Variants in PRDX5 observed in about 807,000 individuals in gnomAD.
The protein encoded by PRDX5 is peroxiredoxin 5, also known as peroxiredoxin-5, mitochondrial.
In PRDX5, 21 loss-of-function variants were observed where a neutral mutation model predicts 23.8. The observed-to-expected ratio is 0.88, with a 90% CI of 0.63 to 1.27. PRDX5 has a LOEUF of 1.27. Ranked by LOEUF, PRDX5 falls within the 50% of genes most tolerant of loss-of-function variation. PRDX5 has a pLI of 0.00. For missense variants in PRDX5, 261 were observed against 270.6 expected (o/e 0.96, Z 0.25); for synonymous variants, 111 against 113.3 (o/e 0.98, Z 0.13).
chr11:64,319,930 C>T (rs1252574788), intron 2 of PRDX5, 62 bp downstream of exon 2: 2 of 1,585,798 alleles, frequency 1.3e-6, no homozygotes, highest in Non-Finnish European at 8.6e-7. Context: ...CTTAAGTCCT[C>T]CACATAGTCC....
intron 1 of PRDX5, among the ~76,000 whole-genome samples, chr11:64,319,121 AC>A (rs1211112562): frequency 2.0e-5 from 3 of 150,512 alleles, no homozygotes; most frequent in East Asian, 3.9e-4. Context: ...CCTGCTCTCA[AC>A]CTTTGGGCTC....
chr11:64,319,499 C>T (rs2035430545), intron 1 of PRDX5, among the ~76,000 whole-genome samples: 4 of 152,252 alleles, frequency 2.6e-5, no homozygotes, highest in African/African-American at 2.4e-5. Context: ...CTCCCTTTCT[C>T]TGTTGTCACC....
At position 64,320,641 on chromosome 11, in the gene PRDX5, C is replaced by A. The variant is rs2135279322; in HGVS notation, c.307-20C>A. On this transcript the variant is annotated intron_variant, in intron 2 of 5. Coordinates refer to ENST00000265462, the MANE Select transcript of PRDX5 (RefSeq NM_012094.5). The stretch of plus-strand genomic sequence containing the variant: ...CAGATGCAGTTATCCCTTTGCCGAC[C>A]CTTTGTTCCCCTTCCTCAGACACAC... The A allele has an allele frequency of 6.4e-7, 1 of 1,568,368 alleles. No individual in the cohort carries two copies. Among genetic ancestry groups the A allele is most frequent in the African/African-American group, 1.4e-5 (1 of 73,672 alleles).
chr11:64,319,541 G>A (rs1008934393), intron 1 of PRDX5, among the ~76,000 whole-genome samples, 193 bp from the exon 2 acceptor site: 4 of 152,224 alleles, frequency 2.6e-5, no homozygotes, highest in African/African-American at 9.6e-5. Flanking sequence ...GGGCCACCTT[G>A]AAACTTGGAG....
chr11:64,318,308 A>G lies in PRDX5; in HGVS notation c.93A>G (p.Arg31=), dbSNP rs749654926. The G allele has an allele frequency of 1.2e-6, 2 of 1,612,708 alleles. No homozygotes were observed. Among genetic ancestry groups the G allele is most frequent in the South Asian group, 2.2e-5 (2 of 91,022 alleles). ...AGGQSAAAAA[R]RYSEGEWASG... ...GTCAGTCTGCGGCAGCGGCAGCAAGACGGTACAGTGAAGGAGAGTGGGCGT... is the reference window on the plus strand; with the variant it reads ...GTCAGTCTGCGGCAGCGGCAGCAAGGCGGTACAGTGAAGGAGAGTGGGCGT... Residue 31 remains arginine, a synonymous_variant, in exon 1 of 6, where the codon AGA becomes AGG. Coordinates refer to ENST00000265462, the MANE Select transcript of PRDX5 (RefSeq NM_012094.5).
intron 5 of PRDX5, 87 bp downstream of exon 5, chr11:64,321,155 G>C (rs368559345): frequency 1.6e-5 from 23 of 1,460,686 alleles, no homozygotes; most frequent in Non-Finnish European, 2.1e-5. Context: ...AGGGTCCTCT[G>C]TGGGAAGAGT....
At position 64,321,117 on chromosome 11, in the gene PRDX5, C is replaced by A. The variant is rs957700794; in HGVS notation, c.539+49C>A. On this transcript the variant is annotated intron_variant, in intron 5 of 5. Coordinates refer to ENST00000265462, the MANE Select transcript of PRDX5 (RefSeq NM_012094.5). ...GAGAGAGTCCTCTGTGGGAGAGAGT[C>A]CTCTGTGGGAGAGAGTCCTCTGTGG... 5 of 1,567,904 alleles carry A rather than the reference C, an allele frequency of 3.2e-6. No individual in the cohort carries two copies. The African/African-American group carries it at 5.6e-5, about 18-fold the overall frequency.
chr11:64,318,995 A>G (rs2035412513), intron 1 of PRDX5, among the ~76,000 whole-genome samples: 1 of 147,086 alleles, frequency 6.8e-6, no homozygotes, highest in African/African-American at 2.5e-5. Flanking sequence ...CCCTCCCCCC[A>G]TGGCGAATTC....
rs1346992231 is a variant in PRDX5, at chr11:64,320,998, T to C, written c.478-9T>C. 5 of 1,614,024 alleles carry C rather than the reference T, an allele frequency of 3.1e-6. No homozygotes were observed. Among genetic ancestry groups the C allele is most frequent in the Non-Finnish European group, 4.2e-6 (5 of 1,180,008 alleles). On this transcript the variant is annotated splice_polypyrimidine_tract_variant and intron_variant, in intron 4 of 5. Transcript: ENST00000265462. ...AGGATTTCTGACACTTTTCTCTGTCTCTTCTTAGGAGACAGACTTATTACT... is the reference window on the plus strand; with the variant it reads ...AGGATTTCTGACACTTTTCTCTGTCCCTTCTTAGGAGACAGACTTATTACT...
At chr11:64,318,846 G>GC (rs1295288059) in intron 1 of PRDX5, among the ~76,000 whole-genome samples, 727 of 71,944 alleles carry the variant, frequency 0.01, 6 homozygotes, top group Middle Eastern at 0.021. Flanking sequence ...AACCCCCCCC[G>GC]CCCCCCCCCG....
Position 64,319,808 on chromosome 11 carries a change from C to A in PRDX5, c.246C>A (p.Phe82Leu). 6.2e-7 allele frequency: 1 copy of A among 1,614,188 alleles called. No homozygotes were observed. The highest frequency in any genetic ancestry group is 8.5e-7 in the Non-Finnish European group (1 of 1,180,014). The change falls in exon 2 of 6, where the codon TTC becomes TTA. Residue 82 changes from phenylalanine to leucine, a missense_variant. Physicochemically the swap from Phe to Leu is conservative, Grantham distance 22. Transcript: ENST00000265462. ...PGNKVNLAEL[F>L]KGKKGVLFGV... ...ACAAGGTGAACCTGGCAGAGCTGTT[C>A]AAGGGCAAGAAGGGTGTGCTGTTTG...
In PRDX5 at chr11:64,318,267, G is replaced by A. The variant is rs772782767; in HGVS notation, c.52G>A (p.Val18Ile). 33 of 1,612,416 alleles carry A rather than the reference G, an allele frequency of 2.0e-5. No individual in the cohort carries two copies. In the South Asian group the frequency reaches 3.4e-4, roughly 17 times the overall value. The change falls in exon 1 of 6, where the codon GTC (valine) becomes ATC (isoleucine). Residue 18 changes from valine (V) to isoleucine (I), a missense_variant. Val to Ile is a conservative substitution (Grantham distance 29). Transcript: ENST00000265462. ...GAGACGCTCAGCGGGCTATATACTC[G>A]TCGGTGGGGCCGGCGGTCAGTCTGC... ...ALRRSAGYIL[V>I]GGAGGQSAAA...
intron 5 of PRDX5, 95 bp downstream of exon 5, chr11:64,321,163 A>G (rs2035487894): frequency 7.1e-7 from 1 of 1,413,636 alleles, no homozygotes; most frequent in African/African-American, 1.5e-5. Flanking sequence ...CTGTGGGAAG[A>G]GTCGTCTGTG....
At position 64,318,124 on chromosome 11, in the gene PRDX5, C is replaced by G; in HGVS notation, c.-92C>G. On this transcript the variant is annotated 5_prime_UTR_variant, in exon 1 of 6. Transcript: ENST00000265462. ...AGTGGAGGCGGCCCAGGCCCGCCTTCCGCAGGGTGTCGCCGCTGTGCCGCT... is the reference window on the plus strand; with the variant it reads ...AGTGGAGGCGGCCCAGGCCCGCCTTGCGCAGGGTGTCGCCGCTGTGCCGCT... The G allele has an allele frequency of 6.5e-7, 1 of 1,549,200 alleles. No homozygotes were observed. The highest frequency in any genetic ancestry group is 8.7e-7 in the Non-Finnish European group (1 of 1,152,646).
intron 1 of PRDX5, among the ~76,000 whole-genome samples, chr11:64,319,306 C>G (rs538578762): frequency 6.6e-6 from 1 of 152,256 alleles, no homozygotes; most frequent in African/African-American, 2.4e-5. Context: ...CGCTGCCCTT[C>G]CTCTTCCTCC....
chr11:64,318,609 G>T (rs1436128457), intron 1 of PRDX5, among the ~76,000 whole-genome samples: 4 of 150,850 alleles, frequency 2.7e-5, no homozygotes, highest in Non-Finnish European at 5.9e-5. Context: ...TTTGTTTTTT[G>T]TTTTTTTTTG....
intron 2 of PRDX5, 81 bp downstream of exon 2, chr11:64,319,949 C>T (rs2035446384): frequency 6.5e-7 from 1 of 1,533,410 alleles, no homozygotes; most frequent in East Asian, 2.3e-5. Flanking sequence ...CCTGATAGGA[C>T]TCCTAAAAAG....
Position 64,320,879 on chromosome 11 carries a change from T to C in PRDX5, c.453T>C (p.Ala151=). 1.2e-6 allele frequency: 2 copies of C among 1,614,216 alleles called. No homozygotes were observed. Among genetic ancestry groups the C allele is most frequent in the African/African-American group, 2.7e-5 (2 of 75,058 alleles). ...TTTCTCTGCAGGTTCGGCTCCTGGCTGATCCCACTGGGGCCTTTGGGAAGG... is the reference window on the plus strand; with the variant it reads ...TTTCTCTGCAGGTTCGGCTCCTGGCCGATCCCACTGGGGCCTTTGGGAAGG... ...HKAEGKVRLL[A]DPTGAFGKET... is the part of the protein sequence containing the mutation. The change falls in exon 4 of 6, where the codon GCT becomes GCC. Residue 151 remains alanine, a synonymous_variant. Coordinates refer to ENST00000265462, the MANE Select transcript of PRDX5 (RefSeq NM_012094.5).
At chr11:64,319,648 A>G in intron 1 of PRDX5, 86 bp from the exon 2 acceptor site, 3 of 1,494,376 alleles carry the variant, frequency 2.0e-6, no homozygotes, top group Non-Finnish European at 2.7e-6. Flanking sequence ...TCCTGCAGGC[A>G]CAGCTGCCAG....
Sources: gnomAD v4.1 joint callset for allele counts (sites outside exome capture counted in the v4.1 genomes callset) on GRCh38, gnomAD v4.1.1 for gene constraint, MANE v1.5 for transcripts, NCBI Gene and HGNC (gene_info 2026-07-23, HGNC 2026-07-21) for gene names.